The following ENTREP2 variants were observed in gnomAD, a reference collection of about 807,000 sequenced individuals.
ENTREP2 encodes the protein endosomal transmembrane epsin interactor 2, also known as protein ENTREP2.
the ENTREP2 span, among the ~76,000 whole-genome samples, chr15:29,547,241 A>C: frequency 1.5e-5 from 2 of 136,054 alleles, no homozygotes; most frequent in Non-Finnish European, 3.1e-5. Context: ...GCATGCCACC[A>C]CACCTGGCTA....
chr15:29,655,070 A>C, the ENTREP2 span, among the ~76,000 whole-genome samples: 1 of 151,826 alleles, frequency 6.6e-6, no homozygotes, highest in Non-Finnish European at 1.5e-5. Flanking sequence ...ACAAACATCA[A>C]ATGATCCTGA....
the ENTREP2 span, among the ~76,000 whole-genome samples, chr15:29,340,189 C>G: frequency 3.2e-3 from 481 of 152,220 alleles, 2 homozygotes; most frequent in African/African-American, 0.011. Flanking sequence ...AACTTTGCCC[C>G]AAATGAGGAC....
the ENTREP2 span, among the ~76,000 whole-genome samples, chr15:29,475,504 C>T: frequency 0.044 from 6,668 of 152,162 alleles, 452 homozygotes; most frequent in African/African-American, 0.15. Context: ...GGCGGTGGCC[C>T]GAAGCTGACT....
At chr15:29,440,905 C>T in the ENTREP2 span, among the ~76,000 whole-genome samples, 4 of 152,302 alleles carry the variant, frequency 2.6e-5, no homozygotes, top group Middle Eastern at 3.4e-3. Context: ...CAAAAAAGAA[C>T]GTTCCTCAGT....
At chr15:29,240,033 T>C in the ENTREP2 span, among the ~76,000 whole-genome samples, 1 of 152,250 alleles carries the variant, frequency 6.6e-6, no homozygotes, top group Non-Finnish European at 1.5e-5. Flanking sequence ...CTATGTGCTA[T>C]GGTTTGAATA....
At chr15:29,190,360 A>G in the ENTREP2 span, among the ~76,000 whole-genome samples, 1 of 135,400 alleles carries the variant, frequency 7.4e-6, no homozygotes, top group Admixed American at 7.3e-5. Context: ...GTTCTCTGCT[A>G]AAAAAAAAAA....
At chr15:29,164,560 A>G in the ENTREP2 span, among the ~76,000 whole-genome samples, 3 of 152,232 alleles carry the variant, frequency 2.0e-5, no homozygotes, top group Non-Finnish European at 4.4e-5. Flanking sequence ...CTTTAAAGCA[A>G]TATCAGTTAA....
At chr15:29,342,701 T>A in the ENTREP2 span, among the ~76,000 whole-genome samples, 1 of 152,302 alleles carries the variant, frequency 6.6e-6, no homozygotes, top group Non-Finnish European at 1.5e-5. Context: ...TACAATATCT[T>A]ACTGTTGTTT....
At chr15:29,322,172 T>C in the ENTREP2 span, among the ~76,000 whole-genome samples, 1 of 152,194 alleles carries the variant, frequency 6.6e-6, no homozygotes, top group South Asian at 2.1e-4. Flanking sequence ...AACTTATATA[T>C]ATGTATTATG....
the ENTREP2 span, among the ~76,000 whole-genome samples, chr15:29,118,933 G>A: frequency 2.6e-5 from 4 of 152,202 alleles, no homozygotes; most frequent in African/African-American, 7.2e-5. Flanking sequence ...GGATGGGCAG[G>A]AGCCCTCCTC....
chr15:29,553,395 G>A, the ENTREP2 span, among the ~76,000 whole-genome samples: 1 of 152,140 alleles, frequency 6.6e-6, no homozygotes, highest in East Asian at 1.9e-4. Flanking sequence ...GAGGATTTGG[G>A]AACTTACTTT....
chr15:29,204,874 T>C, the ENTREP2 span, among the ~76,000 whole-genome samples: 1 of 152,174 alleles, frequency 6.6e-6, no homozygotes, highest in Non-Finnish European at 1.5e-5. Context: ...TACAGTTCAG[T>C]GGCATTAAAC....
the ENTREP2 span, chr15:29,234,427 A>C: frequency 3.3e-6 from 5 of 1,514,370 alleles, no homozygotes; most frequent in Non-Finnish European, 4.6e-6. Context: ...CCATTCCAGT[A>C]GTCCCTCGAC....
the ENTREP2 span, among the ~76,000 whole-genome samples, chr15:29,552,387 C>T: frequency 6.6e-6 from 1 of 152,032 alleles, no homozygotes; most frequent in Non-Finnish European, 1.5e-5. Flanking sequence ...TAAAAGTAGA[C>T]TCTAAACCGT....
chr15:29,596,240 T>C, the ENTREP2 span, among the ~76,000 whole-genome samples: 2 of 152,232 alleles, frequency 1.3e-5, no homozygotes, highest in Non-Finnish European at 2.9e-5. Flanking sequence ...TCTGCATATA[T>C]ATAATGCTGT....
the ENTREP2 span, among the ~76,000 whole-genome samples, chr15:29,424,078 C>T: frequency 6.6e-6 from 1 of 152,174 alleles, no homozygotes; most frequent in East Asian, 1.9e-4. Flanking sequence ...GCGTCTGGAA[C>T]TTTTTCCTTC....
the ENTREP2 span, among the ~76,000 whole-genome samples, chr15:29,468,150 A>G: frequency 6.6e-6 from 1 of 152,184 alleles, no homozygotes; most frequent in Admixed American, 6.5e-5. Flanking sequence ...TACTGGGAGC[A>G]CCCTCCTTCC....
chr15:29,320,505 A>G, the ENTREP2 span, among the ~76,000 whole-genome samples: 3 of 152,236 alleles, frequency 2.0e-5, no homozygotes, highest in African/African-American at 4.8e-5. Context: ...GTAAAAGGCA[A>G]GGAAAAAAGT....
the ENTREP2 span, among the ~76,000 whole-genome samples, chr15:29,649,865 C>G: frequency 7.9e-5 from 12 of 152,046 alleles, no homozygotes; most frequent in African/African-American, 2.9e-4. Context: ...CACCAAAAAT[C>G]TGAGGTAGAA....
Sources: gnomAD v4.1 joint callset for allele counts (sites outside exome capture counted in the v4.1 genomes callset) on GRCh38, gnomAD v4.1.1 for gene constraint, MANE v1.5 for transcripts, NCBI Gene and HGNC (gene_info 2026-07-23, HGNC 2026-07-21) for gene names.